The following CTNNA2 variants were observed in gnomAD, a reference collection of about 807,000 sequenced individuals.
CTNNA2 encodes the protein catenin alpha-2.
A neutral mutation model predicts 101.0 loss-of-function variants in CTNNA2; 42 were observed. The ratio of observed to expected loss-of-function variants is 0.42; its 90% CI spans 0.32 to 0.54. CTNNA2 has a LOEUF of 0.54. CTNNA2 is among the 20% of genes least tolerant of loss of function. CTNNA2 has a pLI of 0.14. For missense variants in CTNNA2, 871 were observed against 1,223.1 expected, an observed-to-expected ratio of 0.71 and a Z score of 4.29; for synonymous variants, 450 against 456.4, an observed-to-expected ratio of 0.99 and a Z score of 0.18.
intron 18 of CTNNA2, among the ~76,000 whole-genome samples, chr2:80,636,415 T>C (rs977918933): frequency 6.6e-6 from 1 of 152,120 alleles, no homozygotes; most frequent in African/African-American, 2.4e-5. Context: ...TGTTTGTGTT[T>C]TGAAGGAGAT....
At chr2:79,558,443 T>C (rs1388268801) in intron 1 of CTNNA2, among the ~76,000 whole-genome samples, 1 of 151,910 alleles carries the variant, frequency 6.6e-6, no homozygotes, top group Non-Finnish European at 1.5e-5. Flanking sequence ...TTAAAGCTTT[T>C]ATGACATACA....
intron 1 of CTNNA2, among the ~76,000 whole-genome samples, chr2:79,611,825 C>G (rs760315352): frequency 6.6e-6 from 1 of 150,582 alleles, no homozygotes; most frequent in African/African-American, 2.5e-5. Context: ...TATACAAAGT[C>G]AGCGATATAA....
At chr2:80,552,104 T>G (rs916122500) in intron 11 of CTNNA2, among the ~76,000 whole-genome samples, 1 of 152,194 alleles carries the variant, frequency 6.6e-6, no homozygotes, top group African/African-American at 2.4e-5. Context: ...ATTTATTGTT[T>G]GCCTTCTTAA....
intron 2 of CTNNA2, among the ~76,000 whole-genome samples, chr2:79,269,320 G>C (rs796742335): frequency 6.6e-6 from 1 of 152,126 alleles, no homozygotes; most frequent in Non-Finnish European, 1.5e-5. Context: ...AAGCAAACTT[G>C]TGCCGAAGTC....
intron 3 of CTNNA2, among the ~76,000 whole-genome samples, chr2:79,337,047 T>A (rs943725439): frequency 1.3e-5 from 2 of 152,220 alleles, no homozygotes; most frequent in Admixed American, 6.5e-5. Flanking sequence ...ATGCCTTTTC[T>A]GTTTCAGTTA....
intron 4 of CTNNA2, among the ~76,000 whole-genome samples, chr2:79,479,506 G>A (rs1389874795): frequency 1.3e-5 from 2 of 152,082 alleles, no homozygotes; most frequent in Non-Finnish European, 2.9e-5. Flanking sequence ...CATTTACTTG[G>A]ATGTAGAATA....
Position 80,589,477 on chromosome 2 carries a change from C to T in CTNNA2, c.2181C>T (p.Asp727=). 6.2e-7 allele frequency: 1 copy of T among 1,613,534 alleles called. No individual in the cohort carries two copies. The highest frequency in any genetic ancestry group is 8.5e-7 in the Non-Finnish European group (1 of 1,179,540). ...QMCMIMMEMT[D]FTRGKGPLKN... is the part of the protein sequence containing the mutation. ...GTATGATCATGATGGAAATGACAGA[C>T]TTCACAAGGTGAGGCCCAGAGCCAG... The change falls in exon 15 of 19, where the codon GAC becomes GAT. Residue 727 remains aspartate (D), a synonymous_variant. Coordinates refer to ENST00000402739, the MANE Select transcript of CTNNA2 (RefSeq NM_001282597.3).
At chr2:80,154,356 A>G (rs1027023234) in intron 7 of CTNNA2, among the ~76,000 whole-genome samples, 73 of 152,186 alleles carry the variant, frequency 4.8e-4, no homozygotes, top group African/African-American at 1.7e-3. Flanking sequence ...GGTGCCCTGA[A>G]AAATGAGATG....
chr2:80,277,500 A>C (rs1209143099), intron 7 of CTNNA2, among the ~76,000 whole-genome samples: 4 of 147,542 alleles, frequency 2.7e-5, no homozygotes, highest in African/African-American at 1.0e-4. Flanking sequence ...TGTCAGTACA[A>C]GTTCAGGGAA....
chr2:79,742,850 A>C (rs1671385677), intron 2 of CTNNA2, among the ~76,000 whole-genome samples: 1 of 152,210 alleles, frequency 6.6e-6, no homozygotes, highest in Non-Finnish European at 1.5e-5. Context: ...ATCAAAAGAG[A>C]GCCGAATAAA....
chr2:79,999,844 A>G (rs1342232201), intron 7 of CTNNA2, among the ~76,000 whole-genome samples: 3 of 152,224 alleles, frequency 2.0e-5, no homozygotes, highest in Non-Finnish European at 4.4e-5. Flanking sequence ...TAAGTCTTCT[A>G]TAAGCAGAGA....
chr2:80,487,753 A>T (rs1322325649), intron 9 of CTNNA2, among the ~76,000 whole-genome samples: 5 of 152,146 alleles, frequency 3.3e-5, no homozygotes, highest in Non-Finnish European at 5.9e-5. Flanking sequence ...TTTCATATGA[A>T]TCCTAAAAGA....
chr2:80,044,485 A>G (rs1382959415), intron 7 of CTNNA2, among the ~76,000 whole-genome samples: 1 of 152,190 alleles, frequency 6.6e-6, no homozygotes, highest in Non-Finnish European at 1.5e-5. Context: ...TATGAAAAAA[A>G]TACAGATGTT....
At position 79,561,554 on chromosome 2, in the gene CTNNA2, A is replaced by G. The variant is rs545750649; in HGVS notation, c.-6+48347A>G. Among the ~76,000 whole-genome samples, 63 of 151,934 alleles carry G rather than the reference A, an allele frequency of 4.1e-4. 1 individual carries two copies. The highest frequency in any genetic ancestry group is 8.4e-4 in the Non-Finnish European group (57 of 67,874). On this transcript the variant is annotated intron_variant, in intron 1 of 18. Transcript: ENST00000402739. ...TGCACCATTTTTCTTTCCCTCCAGCAGTATGAAGATTCCAGTTTCTCCACA... is the reference window on the plus strand; with the variant it reads ...TGCACCATTTTTCTTTCCCTCCAGCGGTATGAAGATTCCAGTTTCTCCACA...
intron 7 of CTNNA2, among the ~76,000 whole-genome samples, chr2:80,107,815 G>A (rs1700985629): frequency 6.6e-6 from 1 of 152,146 alleles, no homozygotes; most frequent in Non-Finnish European, 1.5e-5. Flanking sequence ...ACCCCACCTG[G>A]GCACCACCAT....
chr2:80,101,079 A>G (rs1328833491), intron 7 of CTNNA2, among the ~76,000 whole-genome samples: 1 of 152,210 alleles, frequency 6.6e-6, no homozygotes, highest in Non-Finnish European at 1.5e-5. Context: ...ATTGTTTGAT[A>G]TGAAATAAAG....
chr2:80,348,571 A>G (rs1483410321), intron 7 of CTNNA2, among the ~76,000 whole-genome samples: 1 of 152,140 alleles, frequency 6.6e-6, no homozygotes, highest in East Asian at 1.9e-4. Flanking sequence ...CTGATCCTCC[A>G]TGCTGTTTCT....
chr2:80,368,272 G>A (rs1416172004), intron 7 of CTNNA2, among the ~76,000 whole-genome samples: 1 of 152,084 alleles, frequency 6.6e-6, no homozygotes, highest in Non-Finnish European at 1.5e-5. Context: ...TTGCACTGAG[G>A]ATTAAAATGA....
At chr2:79,800,529 TA>T (rs1444656994) in intron 3 of CTNNA2, among the ~76,000 whole-genome samples, 4 of 152,130 alleles carry the variant, frequency 2.6e-5, no homozygotes. Flanking sequence ...GCTCAGATAA[TA>T]TTGACAGCAG....
Sources: allele counts gnomAD v4.1 joint callset (sites outside exome capture counted in the v4.1 genomes callset), GRCh38; gene constraint gnomAD v4.1.1; transcripts MANE v1.5; gene names NCBI Gene and HGNC (gene_info 2026-07-23, HGNC 2026-07-21).